Variants in FAAH2 observed in about 807,000 individuals in gnomAD.
FAAH2 encodes the protein fatty-acid amide hydrolase 2.
Under a neutral mutation model 36.9 loss-of-function variants are expected in FAAH2, and 60 were observed. The ratio of observed to expected loss-of-function variants is 1.63; its 90% CI spans 1.32 to 2.02. The LOEUF (loss-of-function observed/expected upper bound fraction) is 2.02. FAAH2 is among the 30% of genes most tolerant of loss of function. The pLI, the probability that FAAH2 is intolerant of heterozygous loss-of-function variation, is 0.00. For synonymous variants in FAAH2, 214 were observed against 143.8 expected, an observed-to-expected ratio of 1.49 and a Z score of -3.49; for missense variants, 689 against 397.5, an observed-to-expected ratio of 1.73 and a Z score of -6.23.
intron 3 of FAAH2, among the ~76,000 whole-genome samples, chrX:57,323,764 C>T (rs762444024): frequency 3.6e-3 from 353 of 98,646 alleles, no homozygotes; most frequent in Middle Eastern, 0.011. Context: ...GTGCAGATTG[C>T]AAAAATTTTC....
chrX:57,385,582 G>T (rs1422386969), intron 7 of FAAH2, among the ~76,000 whole-genome samples: 1 of 111,273 alleles, frequency 9.0e-6, no homozygotes, highest in Admixed American at 9.5e-5. Flanking sequence ...GGCTGTAATG[G>T]CATTAACTAG....
chrX:57,216,124 A>T, the FAAH2 span, among the ~76,000 whole-genome samples: 91 of 108,189 alleles, frequency 8.4e-4, no homozygotes, highest in African/African-American at 1.7e-3. Context: ...CATTTTTTTT[A>T]AATTTTGTTT....
the FAAH2 span, among the ~76,000 whole-genome samples, chrX:57,157,504 G>A: frequency 8.1e-5 from 9 of 111,340 alleles, no homozygotes; most frequent in African/African-American, 2.9e-4. Context: ...TGACAAGGTG[G>A]CACTGGGTTC....
At chrX:57,261,511 C>T in the FAAH2 span, among the ~76,000 whole-genome samples, 4 of 96,043 alleles carry the variant, frequency 4.2e-5, no homozygotes, top group Non-Finnish European at 8.1e-5. Context: ...AGAGACTGTG[C>T]CATTGCACTC....
chrX:57,288,124 A>C (rs958304124), intron 1 of FAAH2, among the ~76,000 whole-genome samples: 20 of 110,548 alleles, frequency 1.8e-4, no homozygotes, highest in African/African-American at 5.6e-4. Context: ...GCACCAACCT[A>C]ATAGTAGAAA....
chrX:57,161,743 C>A, the FAAH2 span, among the ~76,000 whole-genome samples: 1 of 111,566 alleles, frequency 9.0e-6, no homozygotes, highest in Non-Finnish European at 1.9e-5. Context: ...TTATTTTGAG[C>A]CTATGTGTGT....
the FAAH2 span, among the ~76,000 whole-genome samples, chrX:57,240,551 G>A: frequency 3.6e-5 from 4 of 111,648 alleles, no homozygotes; most frequent in Non-Finnish European, 5.6e-5. Flanking sequence ...CCAAGCAGTG[G>A]CATGGCATTG....
At chrX:57,150,091 G>T in the FAAH2 span, among the ~76,000 whole-genome samples, 1 of 112,143 alleles carries the variant, frequency 8.9e-6, no homozygotes, top group Admixed American at 9.5e-5. Flanking sequence ...TCTTAATCCT[G>T]AGTTCTAGTT....
the FAAH2 span, among the ~76,000 whole-genome samples, chrX:57,163,146 G>T: frequency 1.8e-5 from 2 of 111,799 alleles, no homozygotes; most frequent in Non-Finnish European, 3.8e-5. Flanking sequence ...TGCCCCTGCT[G>T]GGGGGTGACT....
the FAAH2 span, among the ~76,000 whole-genome samples, chrX:57,164,993 AT>A: frequency 8.9e-6 from 1 of 112,624 alleles, no homozygotes; most frequent in East Asian, 2.8e-4. Flanking sequence ...TGATTCTGAA[AT>A]GTGTAGATAA....
At chrX:57,368,562 C>T (rs1428760422) in intron 5 of FAAH2, among the ~76,000 whole-genome samples, 2 of 111,703 alleles carry the variant, frequency 1.8e-5, no homozygotes, top group Non-Finnish European at 3.8e-5. Flanking sequence ...TTATGTCCCA[C>T]CCACAGTGGA....
the FAAH2 span, among the ~76,000 whole-genome samples, chrX:57,266,176 G>T: frequency 1.8e-5 from 2 of 111,548 alleles, no homozygotes; most frequent in Middle Eastern, 4.6e-3. Flanking sequence ...TCCCAACAGG[G>T]GTCTTTAGCC....
At chrX:57,420,848 G>A (rs1005566254) in intron 7 of FAAH2, among the ~76,000 whole-genome samples, 2 of 111,268 alleles carry the variant, frequency 1.8e-5, no homozygotes, top group African/African-American at 6.5e-5. Flanking sequence ...TGTGATATTG[G>A]CTATTGGTTT....
At chrX:57,385,143 G>A (rs935044250) in intron 7 of FAAH2, among the ~76,000 whole-genome samples, 6 of 109,806 alleles carry the variant, frequency 5.5e-5, no homozygotes, top group African/African-American at 2.0e-4. Context: ...GGTGGGGGGA[G>A]TGGGGAAGGA....
At chrX:57,476,992 T>A (rs1405639763) in intron 10 of FAAH2, among the ~76,000 whole-genome samples, 1 of 111,341 alleles carries the variant, frequency 9.0e-6, no homozygotes, top group Non-Finnish European at 1.9e-5. Flanking sequence ...TGCATAGAGG[T>A]GTTTACAGTA....
At chrX:57,319,464 G>A (rs1022080980) in intron 3 of FAAH2, among the ~76,000 whole-genome samples, 6 of 111,578 alleles carry the variant, frequency 5.4e-5, no homozygotes, top group Non-Finnish European at 9.4e-5. Context: ...CAACTTACAA[G>A]GGATGTGAAG....
intron 2 of FAAH2, among the ~76,000 whole-genome samples, chrX:57,299,180 G>C (rs748997254): frequency 1.8e-5 from 2 of 111,881 alleles, no homozygotes; most frequent in South Asian, 3.8e-4. Context: ...CAATATCCTT[G>C]ATGAACATTG....
At chrX:57,476,487 C>A (rs1048540243) in intron 10 of FAAH2, among the ~76,000 whole-genome samples, 1 of 111,295 alleles carries the variant, frequency 9.0e-6, no homozygotes, top group African/African-American at 3.3e-5. Context: ...TGATGGATTA[C>A]GTTTTGATTT....
intron 3 of FAAH2, among the ~76,000 whole-genome samples, chrX:57,311,029 C>T (rs2052677258): frequency 8.9e-6 from 1 of 111,835 alleles, no homozygotes. Context: ...AGGCTCATGA[C>T]CCTAAAGTAG....
Sources: gnomAD v4.1 joint callset for allele counts (sites outside exome capture counted in the v4.1 genomes callset) on GRCh38, gnomAD v4.1.1 for gene constraint, MANE v1.5 for transcripts, NCBI Gene and HGNC (gene_info 2026-07-23, HGNC 2026-07-21) for gene names.